The following TRPM3 variants were observed in gnomAD, a reference collection of about 807,000 sequenced individuals.
TRPM3 encodes the protein long transient receptor potential channel 3.
TRPM3 carries 77 observed loss-of-function variants against 181.2 expected under a neutral mutation model. The observed-to-expected ratio is 0.42, with a 90% CI of 0.35 to 0.51. TRPM3 has a LOEUF of 0.51. Ranked by LOEUF, TRPM3 falls within the 20% of genes least tolerant of loss-of-function variation. The pLI, the probability that TRPM3 is intolerant of heterozygous loss-of-function variation, is 0.01. For missense variants in TRPM3, 1,759 were observed against 2,196.7 expected (o/e 0.80, Z 3.98); for synonymous variants, 745 against 796.4 (o/e 0.94, Z 1.09).
chr9:71,422,837 T>G (rs532823170), intron 1 of TRPM3, among the ~76,000 whole-genome samples: 1 of 152,032 alleles, frequency 6.6e-6, no homozygotes, highest in Non-Finnish European at 1.5e-5. Flanking sequence ...TATAGCAACT[T>G]AGATACCTTT....
chr9:70,573,522 G>GGGCTCTAACCTGTGTGT (rs1465493741), intron 22 of TRPM3, among the ~76,000 whole-genome samples: 5 of 152,288 alleles, frequency 3.3e-5, no homozygotes, highest in South Asian at 2.1e-4. Context: ...GTGCACTGCA[G>GGGCTCTAACCTGTGTGT]GTTACACACA....
intron 21 of TRPM3, among the ~76,000 whole-genome samples, chr9:70,594,072 C>A (rs933827434): frequency 6.8e-6 from 1 of 146,758 alleles, no homozygotes; most frequent in East Asian, 2.0e-4. Context: ...AAAACTCACA[C>A]AAAACGAGTA....
At position 71,023,132 on chromosome 9, in the gene TRPM3, C is replaced by T. The variant is rs140092112; in HGVS notation, c.177+98046G>A. On this transcript the variant is annotated intron_variant, in intron 1 of 25. Coordinates refer to ENST00000677713, the MANE Select transcript of TRPM3 (RefSeq NM_001366145.2). ...TTACTGAGAATACATAAAGAACTCT[C>T]AAAACCCCCAAGTAAAAAAATAAAC... Among the ~76,000 whole-genome samples, 154 of 152,220 alleles carry T rather than the reference C, an allele frequency of 1.0e-3. No individual in the cohort carries two copies. The East Asian group carries it at 0.018, about 18-fold the overall frequency.
chr9:71,032,103 A>C (rs1318389963), intron 1 of TRPM3, among the ~76,000 whole-genome samples: 1 of 93,850 alleles, frequency 1.1e-5, no homozygotes, highest in Non-Finnish European at 2.0e-5. Context: ...ATATAATATT[A>C]TATATATTAT....
intron 1 of TRPM3, among the ~76,000 whole-genome samples, chr9:70,999,584 TC>T (rs1295080945): frequency 6.6e-6 from 1 of 152,184 alleles, no homozygotes; most frequent in African/African-American, 2.4e-5. Context: ...TAACGATGCT[TC>T]CGGAGAGCAC....
At chr9:71,390,771 A>C (rs2093043563) in intron 1 of TRPM3, among the ~76,000 whole-genome samples, 2 of 152,058 alleles carry the variant, frequency 1.3e-5, no homozygotes, top group South Asian at 4.1e-4. Context: ...TGGTCACTGT[A>C]CTAGTAAAGG....
In TRPM3 at chr9:71,259,244, A is replaced by G. The variant is rs139046855; in HGVS notation, c.183+187409T>C. ...TGAACTCATTCTTTTTTATGGCTGCATAGTATTTCACAGTGTATATGTGCC... is the reference window on the plus strand; with the variant it reads ...TGAACTCATTCTTTTTTATGGCTGCGTAGTATTTCACAGTGTATATGTGCC... On this transcript the variant is annotated intron_variant, in intron 1 of 24. Coordinates refer to the TRPM3 transcript ENST00000357533. Among the ~76,000 whole-genome samples the G allele has an allele frequency of 7.2e-3, 1,103 of 152,286 alleles. 19 individuals are homozygous for G. The highest frequency in any genetic ancestry group is 0.025 in the African/African-American group (1,047 of 41,542).
chr9:70,957,435 G>T (rs527776456), intron 1 of TRPM3, among the ~76,000 whole-genome samples: 1 of 152,238 alleles, frequency 6.6e-6, no homozygotes, highest in African/African-American at 2.4e-5. Context: ...GCTGAGAGGG[G>T]AGGTGCTCTG....
chr9:71,381,639 AC>A (rs1307020143), intron 1 of TRPM3, among the ~76,000 whole-genome samples: 5 of 152,284 alleles, frequency 3.3e-5, no homozygotes, highest in African/African-American at 1.2e-4. Flanking sequence ...ACAAGTGTTC[AC>A]AACATGACTT....
intron 8 of TRPM3, among the ~76,000 whole-genome samples, chr9:70,753,927 A>G (rs2076616742): frequency 6.6e-6 from 1 of 152,158 alleles, no homozygotes; most frequent in Non-Finnish European, 1.5e-5. Context: ...GTGGAAGCAG[A>G]AGGTGGTGAA....
intron 1 of TRPM3, among the ~76,000 whole-genome samples, chr9:71,394,065 C>T (rs1031279906): frequency 6.6e-6 from 1 of 152,118 alleles, no homozygotes; most frequent in African/African-American, 2.4e-5. Flanking sequence ...CCCTCAAAGA[C>T]ATGAGAGAAA....
chr9:71,217,012 G>A (rs973867254), intron 1 of TRPM3, among the ~76,000 whole-genome samples: 1 of 126,670 alleles, frequency 7.9e-6, no homozygotes, highest in African/African-American at 3.0e-5. Context: ...GTGCAGTGGC[G>A]CGATCTCGGC....
intron 5 of TRPM3, among the ~76,000 whole-genome samples, chr9:70,831,434 A>G (rs954468262): frequency 6.7e-6 from 1 of 149,860 alleles, no homozygotes; most frequent in Non-Finnish European, 1.5e-5. Flanking sequence ...GGTAAGAACA[A>G]TTTGATGTGT....
chr9:70,575,907 G>A (rs976078588), intron 22 of TRPM3, among the ~76,000 whole-genome samples: 1 of 152,176 alleles, frequency 6.6e-6, no homozygotes, highest in African/African-American at 2.4e-5. Flanking sequence ...TTGGACTAAT[G>A]ATGGCTTCCA....
At chr9:71,327,345 C>T (rs1470789714) in intron 1 of TRPM3, among the ~76,000 whole-genome samples, 1 of 152,212 alleles carries the variant, frequency 6.6e-6, no homozygotes, top group African/African-American at 2.4e-5. Flanking sequence ...TGGGGGATGT[C>T]TAACCACCTG....
chr9:70,575,290 C>T (rs373627143), intron 22 of TRPM3, among the ~76,000 whole-genome samples: 4 of 152,188 alleles, frequency 2.6e-5, no homozygotes, highest in South Asian at 4.2e-4. Context: ...AGCTGGCTTC[C>T]CCGCTGGAAG....
chr9:70,700,940 T>C (rs1304281736), intron 8 of TRPM3, among the ~76,000 whole-genome samples: 1 of 152,222 alleles, frequency 6.6e-6, no homozygotes, highest in Non-Finnish European at 1.5e-5. Context: ...TCCCCAGCAA[T>C]GACTTTTCCA....
intron 1 of TRPM3, among the ~76,000 whole-genome samples, chr9:71,344,570 T>G (rs1419287133): frequency 4.6e-5 from 7 of 152,208 alleles, no homozygotes; most frequent in African/African-American, 1.2e-4. Context: ...AAGTTGCTTA[T>G]TAGTTGCTAG....
At chr9:70,554,182 G>T (rs2047121567) in intron 22 of TRPM3, among the ~76,000 whole-genome samples, 1 of 152,110 alleles carries the variant, frequency 6.6e-6, no homozygotes. Context: ...ATGCAAGAAA[G>T]AAAAAAATCC....
Sources: gnomAD v4.1 joint callset for allele counts (sites outside exome capture counted in the v4.1 genomes callset) on GRCh38, gnomAD v4.1.1 for gene constraint, MANE v1.5 for transcripts, NCBI Gene and HGNC (gene_info 2026-07-23, HGNC 2026-07-21) for gene names.